The following LPAR6 variants were observed in gnomAD, a reference collection of about 807,000 sequenced individuals.
LPAR6 encodes the protein G-protein coupled purinergic receptor P2Y5.
In LPAR6, 17 loss-of-function variants were observed where a neutral mutation model predicts 22.0. The observed-to-expected ratio is 0.77, with a 90% confidence interval of 0.53 to 1.16. LPAR6 has a LOEUF of 1.16. LPAR6 is among the 50% of genes most tolerant of loss of function. The probability of loss-of-function intolerance (pLI) is 0.00; values close to 1 mark genes in which losing one functional copy is unlikely to be tolerated. For synonymous variants in LPAR6, 136 were observed against 139.8 expected, an observed-to-expected ratio of 0.97 and a Z score of 0.19; for missense variants, 384 against 406.9, an observed-to-expected ratio of 0.94 and a Z score of 0.48.
intron 1 of LPAR6, among the ~76,000 whole-genome samples, chr13:48,424,597 C>T (rs1949053379): frequency 1.9e-5 from 1 of 53,252 alleles, no homozygotes; most frequent in African/African-American, 2.8e-5. Context: ...GTCCCTTCTT[C>T]CTTATCTTTT....
intron 1 of LPAR6, among the ~76,000 whole-genome samples, chr13:48,399,421 A>G (rs1948673855): frequency 6.6e-6 from 1 of 152,084 alleles, no homozygotes; most frequent in Non-Finnish European, 1.5e-5. Context: ...AGATAAGCAG[A>G]AAGAATACAA....
At chr13:48,398,826 C>T (rs1285331264) in intron 1 of LPAR6, among the ~76,000 whole-genome samples, 2 of 151,994 alleles carry the variant, frequency 1.3e-5, no homozygotes, top group Non-Finnish European at 2.9e-5. Flanking sequence ...TAAGTGAAAG[C>T]ATAATATGTA....
rs1268524308 is a variant in LPAR6 at position 48,412,798 on chromosome 13, T to C, written c.-375A>G. 7.5e-6 allele frequency: 2 copies of C among 266,588 alleles called. No individual in the cohort carries two copies. The highest frequency in any genetic ancestry group is 4.6e-5 in the African/African-American group (2 of 43,750). The allele number at this position is 266,588 out of a possible 1,614,324, so 16.5% of individuals were successfully genotyped here. On this transcript the variant is annotated 5_prime_UTR_variant, in exon 1 of 1. Transcript: ENST00000620633. ...GAATGAAACCACTTGTCTTCTAAAC[T>C]TGTATTTCAGTAGTCAAGATGAATA... is the stretch of plus-strand genomic sequence containing the variant.
intron 1 of LPAR6, among the ~76,000 whole-genome samples, chr13:48,433,264 C>A (rs1949148478): frequency 6.6e-6 from 1 of 150,872 alleles, no homozygotes; most frequent in Non-Finnish European, 1.5e-5. Context: ...TATGAGTATA[C>A]CTGGGTAAAT....
Position 48,412,602 on chromosome 13 carries a change from C to A in LPAR6, c.-179G>T. On this transcript the variant is annotated 5_prime_UTR_variant, in exon 1 of 1. Transcript: ENST00000620633. ...CCCAAAAGAAACATGAAATTTGTTG[C>A]TGTAAAATTTCCGCTGGGTTCTTCA... 1 of 627,242 alleles carries A rather than the reference C, an allele frequency of 1.6e-6. No individual in the cohort carries two copies. The allele number at this position is 627,242 out of a possible 1,614,324, so 38.9% of individuals were successfully genotyped here. A position where few individuals can be genotyped will look rare whatever the true frequency, so the allele number is the denominator to read the frequency against.
At chr13:48,400,998 T>A (rs1357430457) in intron 1 of LPAR6, among the ~76,000 whole-genome samples, 1 of 152,092 alleles carries the variant, frequency 6.6e-6, no homozygotes, top group South Asian at 2.1e-4. Flanking sequence ...GGAAAAGGCA[T>A]CATGGGACTC....
In LPAR6 at chr13:48,412,002, CA is replaced by C; in HGVS notation, c.421del (p.Trp141GlyfsTer2). 1 of 1,610,466 alleles carries C rather than the reference CA, an allele frequency of 6.2e-7. No individual in the cohort carries two copies. The highest frequency in any genetic ancestry group is 8.5e-7 in the Non-Finnish European group (1 of 1,178,130). ...TGCACTTCCTCCGATCACAGTTAAC[CA>C]CACGCCAGTGCAAACAATCTTTGCA... ...RNAKIVCTGVWLTVIGGSAPA... is the reference protein window; with the variant it reads ...RNAKIVCTGVXLTVIGGSAPA... On this transcript the variant is annotated frameshift_variant, in exon 1 of 1. Coordinates refer to ENST00000620633, the MANE Select transcript of LPAR6 (RefSeq NM_001162498.3). LOFTEE classifies it high-confidence loss of function.
At chr13:48,434,622 A>C (rs969894137) in intron 1 of LPAR6, among the ~76,000 whole-genome samples, 1 of 152,090 alleles carries the variant, frequency 6.6e-6, no homozygotes, top group Admixed American at 6.5e-5. Flanking sequence ...GAGAGACACT[A>C]TTCAGGGGTT....
downstream of LPAR6, among the ~76,000 whole-genome samples, chr13:48,410,277 GTATT>G (rs1230430414): frequency 1.3e-5 from 2 of 152,136 alleles, no homozygotes; most frequent in Non-Finnish European, 2.9e-5. Context: ...GTGTTGAGAT[GTATT>G]TAGATACACA....
upstream of LPAR6, chr13:48,429,147 G>A (rs1348640617): frequency 6.6e-6 from 1 of 152,186 alleles, no homozygotes; most frequent in Non-Finnish European, 1.5e-5. Flanking sequence ...GTGCAAAAAA[G>A]GGTTGTTTTA....
chr13:48,423,575 A>G (rs1949038377), intron 1 of LPAR6, among the ~76,000 whole-genome samples: 1 of 152,206 alleles, frequency 6.6e-6, no homozygotes, highest in African/African-American at 2.4e-5. Context: ...TTACTATAAA[A>G]TTGATCAAAG....
intron 1 of LPAR6, among the ~76,000 whole-genome samples, chr13:48,440,937 A>G (rs1949230850): frequency 6.6e-6 from 1 of 152,200 alleles, no homozygotes; most frequent in South Asian, 2.1e-4. Flanking sequence ...TTATAATTAA[A>G]ATGTAGGGAA....
intron 1 of LPAR6, among the ~76,000 whole-genome samples, chr13:48,436,900 T>C (rs554748131): frequency 6.6e-6 from 1 of 152,246 alleles, no homozygotes; most frequent in South Asian, 2.1e-4. Flanking sequence ...CAGAAAACAA[T>C]AGCAATTTCT....
chr13:48,401,044 A>G (rs781034636), intron 1 of LPAR6, among the ~76,000 whole-genome samples: 1 of 152,146 alleles, frequency 6.6e-6, no homozygotes, highest in African/African-American at 2.4e-5. Context: ...TCACTGTTAT[A>G]TTACAGTTGG....
Position 48,412,993 on chromosome 13 carries a change from A to G in LPAR6, c.-570T>C, listed in dbSNP as rs1948843739. 1 of 168,912 alleles carries G rather than the reference A, an allele frequency of 5.9e-6. No individual in the cohort carries two copies. Among genetic ancestry groups the G allele is most frequent in the African/African-American group, 2.4e-5 (1 of 41,444 alleles). The allele number at this position is 168,912 out of a possible 1,614,324, so 10.5% of individuals were successfully genotyped here. A position where few individuals can be genotyped will look rare whatever the true frequency, so the allele number is the denominator to read the frequency against. On this transcript the variant is annotated 5_prime_UTR_variant, in exon 1 of 1. Transcript: ENST00000620633. ...TTTTTGTTTTCCTGCAGTGGATCCC[A>G]GATTGTGGGTAAGCAGAAGAGTCTT...
At chr13:48,416,067 C>T (rs1210774707), upstream of LPAR6, among the ~76,000 whole-genome samples, 2 of 152,132 alleles carry the variant, frequency 1.3e-5, no homozygotes, top group Admixed American at 6.5e-5. Context: ...TGGAACTTAA[C>T]TCTGAGAATC....
upstream of LPAR6, among the ~76,000 whole-genome samples, chr13:48,429,874 G>A (rs1217295683): frequency 1.3e-5 from 2 of 152,106 alleles, no homozygotes; most frequent in African/African-American, 4.8e-5. Flanking sequence ...GGATGTAGAT[G>A]AAAACAAAGC....
At chr13:48,413,640 T>C (rs992084902), upstream of LPAR6, among the ~76,000 whole-genome samples, 80 of 152,192 alleles carry the variant, frequency 5.3e-4, no homozygotes, top group Non-Finnish European at 1.9e-4. Flanking sequence ...GTAGCTCTTA[T>C]CCTGGGTCTC....
downstream of LPAR6, among the ~76,000 whole-genome samples, chr13:48,410,019 C>G (rs1312641219): frequency 1.3e-5 from 2 of 152,006 alleles, no homozygotes; most frequent in African/African-American, 4.8e-5. Flanking sequence ...GTTATTTGGC[C>G]TTGTAGTTTT....
Sources: gnomAD v4.1 joint callset for allele counts (sites outside exome capture counted in the v4.1 genomes callset) on GRCh38, gnomAD v4.1.1 for gene constraint, MANE v1.5 for transcripts, NCBI Gene and HGNC (gene_info 2026-07-23, HGNC 2026-07-21) for gene names.